Variants in CPM observed in about 807,000 individuals in gnomAD.
The protein encoded by CPM is carboxypeptidase M, also known as renal carboxypeptidase.
A neutral mutation model predicts 46.4 loss-of-function variants in CPM; 35 were observed. The ratio of observed to expected loss-of-function variants is 0.75; its 90% CI spans 0.58 to 1.00. The LOEUF (loss-of-function observed/expected upper bound fraction) is 1.00, where lower values mean the gene tolerates loss of function less well. Ranked by LOEUF, CPM falls within the 50% of genes least tolerant of loss-of-function variation. The pLI is 0.00. For missense variants in CPM, 422 were observed against 530.4 expected, an observed-to-expected ratio of 0.80 and a Z score of 2.01; for synonymous variants, 195 against 195.3, an observed-to-expected ratio of 1.00 and a Z score of 0.01.
In CPM at chr12:68,894,308, G is replaced by A. The variant is rs1468958778; in HGVS notation, c.161-8419C>T. ...CACTGCTAACCTAACGGTGCCTGGC[G>A]CACTGTAGGTTTCAATTAGTATCTA... On this transcript the variant is annotated intron_variant, in intron 2 of 8. Coordinates refer to ENST00000551568, the MANE Select transcript of CPM (RefSeq NM_198320.5). Among the ~76,000 whole-genome samples the A allele has an allele frequency of 2.0e-5, 3 of 152,152 alleles. 1 individual carries two copies. The highest frequency in any genetic ancestry group is 4.1e-4 in the South Asian group (2 of 4,824).
In CPM at chr12:68,869,447, A is replaced by C; in HGVS notation, c.665T>G (p.Phe222Cys). The C allele has an allele frequency of 1.2e-5, 20 of 1,613,488 alleles. No homozygotes were observed. The highest frequency in any genetic ancestry group is 1.6e-5 in the Non-Finnish European group (19 of 1,179,650). ...SRSLTPDDDV[F>C]QYLAHTYASR... The stretch of plus-strand genomic sequence containing the variant: ...AGCATAGGTATGTGCAAGATATTGA[A>C]AAACATCATCATCAGGCGTTAAGCT... The change falls in exon 6 of 9, where the codon TTT (phenylalanine) becomes TGT (cysteine). Residue 222 changes from phenylalanine to cysteine, a missense_variant. Transcript: ENST00000551568.
chr12:68,925,381 A>T (rs1320632736), intron 2 of CPM, among the ~76,000 whole-genome samples: 2 of 152,174 alleles, frequency 1.3e-5, no homozygotes, highest in Non-Finnish European at 2.9e-5. Flanking sequence ...TACAAAACTG[A>T]GAATCCGGAA....
At chr12:68,866,281 A>C (rs1233674934) in intron 7 of CPM, among the ~76,000 whole-genome samples, 2 of 152,222 alleles carry the variant, frequency 1.3e-5, no homozygotes, top group African/African-American at 4.8e-5. Context: ...ATATTTTGCC[A>C]GATTTCTAGA....
downstream of CPM, chr12:68,849,396 T>TG (rs1347361945): frequency 8.0e-6 from 1 of 125,452 alleles, no homozygotes; most frequent in African/African-American, 2.9e-5. Context: ...GGCCGTTTTT[T>TG]TTTTTGTTGT....
chr12:68,894,154 T>C (rs1886771610), intron 2 of CPM, among the ~76,000 whole-genome samples: 1 of 152,196 alleles, frequency 6.6e-6, no homozygotes, highest in African/African-American at 2.4e-5. Flanking sequence ...GTGTCATCTT[T>C]CTTCACAACT....
intron 2 of CPM, among the ~76,000 whole-genome samples, chr12:68,898,855 C>T (rs921387249): frequency 6.6e-6 from 1 of 152,242 alleles, no homozygotes; most frequent in African/African-American, 2.4e-5. Flanking sequence ...CGGTACTTAC[C>T]CTCATGGGGT....
chr12:68,956,747 A>C (rs1193660702), intron 1 of CPM, among the ~76,000 whole-genome samples: 3 of 152,256 alleles, frequency 2.0e-5, no homozygotes, highest in Non-Finnish European at 4.4e-5. Context: ...TCAGAGCACC[A>C]AATCACAGTT....
chr12:68,929,315 A>C (rs1010986631), intron 2 of CPM, among the ~76,000 whole-genome samples: 2 of 152,184 alleles, frequency 1.3e-5, no homozygotes, highest in Admixed American at 6.5e-5. Flanking sequence ...TTGATCCATT[A>C]AATAAATAGA....
chr12:68,863,635 C>A (rs1464128917), intron 7 of CPM, among the ~76,000 whole-genome samples: 1 of 152,172 alleles, frequency 6.6e-6, no homozygotes, highest in Non-Finnish European at 1.5e-5. Flanking sequence ...GAGATTCAGA[C>A]AAGTGCTTGC....
At chr12:68,958,375 G>A (rs1281163951) in intron 1 of CPM, among the ~76,000 whole-genome samples, 1 of 151,980 alleles carries the variant, frequency 6.6e-6, no homozygotes. Context: ...CTTAAAAAGG[G>A]GATTTTTAAA....
intron 2 of CPM, among the ~76,000 whole-genome samples, chr12:68,886,645 T>A (rs1323581528): frequency 6.6e-6 from 1 of 151,994 alleles, no homozygotes; most frequent in East Asian, 1.9e-4. Flanking sequence ...AATAAATAAA[T>A]AAATAAATAA....
At chr12:68,882,514 C>T (rs781491363) in intron 3 of CPM, among the ~76,000 whole-genome samples, 12 of 152,214 alleles carry the variant, frequency 7.9e-5, no homozygotes, top group African/African-American at 2.2e-4. Context: ...TTGTGAATAG[C>T]GCTGCAATGA....
intron 2 of CPM, chr12:68,913,818 T>C (rs1887697504): frequency 1.6e-6 from 1 of 627,812 alleles, no homozygotes; most frequent in Non-Finnish European, 3.0e-6. Context: ...TCAGCATTTG[T>C]TTTCCAGAGT....
chr12:68,890,990 G>T (rs1322688736), intron 2 of CPM, among the ~76,000 whole-genome samples: 1 of 152,232 alleles, frequency 6.6e-6, no homozygotes, highest in Non-Finnish European at 1.5e-5. Flanking sequence ...CCCAGGCTTG[G>T]ATGTTTCTCT....
At chr12:68,915,309 T>C (rs1887760577) in intron 2 of CPM, among the ~76,000 whole-genome samples, 2 of 152,192 alleles carry the variant, frequency 1.3e-5, no homozygotes, top group Non-Finnish European at 2.9e-5. Flanking sequence ...TAAGATACAT[T>C]AGAAATCGTC....
chr12:68,878,105 C>A (rs761754822), intron 3 of CPM, among the ~76,000 whole-genome samples: 37 of 152,210 alleles, frequency 2.4e-4, no homozygotes, highest in Middle Eastern at 3.4e-3. Context: ...AAATGTGATG[C>A]GAATTTTTCA....
At position 68,932,750 on chromosome 12, in the gene CPM, CT is replaced by C. The variant is rs751028783; in HGVS notation, c.87del (p.Ala30ArgfsTer3). 2 of 1,614,214 alleles carry C rather than the reference CT, an allele frequency of 1.2e-6. No individual in the cohort carries two copies. Among genetic ancestry groups the C allele is most frequent in the Admixed American group, 3.3e-5 (2 of 60,026 alleles). On this transcript the variant is annotated frameshift_variant, in exon 2 of 9. Coordinates refer to ENST00000551568, the MANE Select transcript of CPM (RefSeq NM_198320.5). LOFTEE classifies it high-confidence loss of function. ...DFNYHRQEGM[E>X]AFLKTVAQNY... is the part of the protein sequence containing the mutation. The stretch of plus-strand genomic sequence containing the variant: ...TTTTGGGCAACAGTCTTCAAAAACG[CT>C]TCCATCCCTTCCTGGCGGTGGTAGT...
At chr12:68,941,970 C>A (rs551105560) in intron 1 of CPM, among the ~76,000 whole-genome samples, 2 of 152,260 alleles carry the variant, frequency 1.3e-5, no homozygotes, top group South Asian at 4.1e-4. Context: ...TGTTAAGGTC[C>A]AAGATGATCC....
downstream of CPM, chr12:68,849,411 GTTGT>G (rs1884554069): frequency 1.4e-5 from 2 of 139,422 alleles, no homozygotes; most frequent in Non-Finnish European, 3.1e-5. Context: ...TGTTGTTGTT[GTTGT>G]TTGTTCGTTT....
Sources: gnomAD v4.1 joint callset for allele counts (sites outside exome capture counted in the v4.1 genomes callset) on GRCh38, gnomAD v4.1.1 for gene constraint, MANE v1.5 for transcripts, NCBI Gene and HGNC (gene_info 2026-07-23, HGNC 2026-07-21) for gene names.